The following PCDHA7 variants were observed in gnomAD, a reference collection of about 807,000 sequenced individuals.
PCDHA7 encodes protocadherin alpha-7.
In PCDHA7, 37 loss-of-function variants were observed where a neutral mutation model predicts 57.2. That is an observed-to-expected ratio of 0.65 (90% confidence interval 0.50 to 0.85). PCDHA7 has a LOEUF of 0.85. Ranked by LOEUF, PCDHA7 falls within the 40% of genes least tolerant of loss-of-function variation. The pLI, the probability that PCDHA7 is intolerant of heterozygous loss-of-function variation, is 0.00. For synonymous variants in PCDHA7, 553 were observed against 558.8 expected, an observed-to-expected ratio of 0.99 and a Z score of 0.15; for missense variants, 1,188 against 1,241.8, an observed-to-expected ratio of 0.96 and a Z score of 0.65.
intron 2 of PCDHA7, among the ~76,000 whole-genome samples, chr5:140,979,718 TGCCATGGG>T (rs1430155366): frequency 1.3e-5 from 2 of 152,270 alleles, no homozygotes; most frequent in Non-Finnish European, 2.9e-5. Context: ...CCAGTATCCA[TGCCATGGG>T]GCCAAATAAA....
At chr5:140,998,548 T>A (rs904925148) in intron 3 of PCDHA7, among the ~76,000 whole-genome samples, 7 of 149,880 alleles carry the variant, frequency 4.7e-5, no homozygotes, top group African/African-American at 1.7e-4. Context: ...CCTAATTTAA[T>A]GTCTAATTTA....
At chr5:140,931,853 G>A (rs2087796602) in intron 1 of PCDHA7, among the ~76,000 whole-genome samples, 1 of 151,744 alleles carries the variant, frequency 6.6e-6, no homozygotes, top group African/African-American at 2.4e-5. Context: ...ATAACAACAG[G>A]ATTCTAGAAA....
At chr5:140,885,664 A>G (rs2060680895) in intron 1 of PCDHA7, among the ~76,000 whole-genome samples, 1 of 152,174 alleles carries the variant, frequency 6.6e-6, no homozygotes, top group Non-Finnish European at 1.5e-5. Context: ...ACCAGTTATG[A>G]GCACTCTTTC....
chr5:141,011,745 A>G lies in PCDHA7; in HGVS notation c.*1808A>G, dbSNP rs1378591918. 3 of 153,762 alleles carry G rather than the reference A, an allele frequency of 2.0e-5. No individual in the cohort carries two copies. The highest frequency in any genetic ancestry group is 1.9e-4 in the East Asian group (1 of 5,196). 9.5% of individuals were successfully genotyped at this position (153,762 alleles called of 1,614,324 possible). ...GGGTGTGCAAGCACAAATTTTACCA[A>G]TCTGACCTCTTTGAAGTTGCAGAAT... On this transcript the variant is annotated 3_prime_UTR_variant, in exon 4 of 4. Coordinates refer to ENST00000525929, the MANE Select transcript of PCDHA7 (RefSeq NM_018910.3).
At chr5:140,838,290 T>TC (rs1775657451) in intron 1 of PCDHA7, among the ~76,000 whole-genome samples, 2 of 150,172 alleles carry the variant, frequency 1.3e-5, no homozygotes, top group Non-Finnish European at 3.0e-5. Flanking sequence ...ATTTTTTTTT[T>TC]TTTTTGTATT....
Position 140,879,462 on chromosome 5 carries a change from G to A in PCDHA7, c.2355+42724G>A, listed in dbSNP as rs927340529. 2.0e-5 allele frequency among the ~76,000 whole-genome samples: 3 copies of A among 152,180 alleles called. No individual in the cohort carries two copies. The South Asian group carries it at 6.2e-4, about 32-fold the overall frequency. ...AAAATGTTACTTTGAAGTCCTAAGAGAATACCGTTGTGATTGGAAATATGG... is the reference window on the plus strand; with the variant it reads ...AAAATGTTACTTTGAAGTCCTAAGAAAATACCGTTGTGATTGGAAATATGG... On this transcript the variant is annotated intron_variant, in intron 1 of 3. Coordinates refer to ENST00000525929, the MANE Select transcript of PCDHA7 (RefSeq NM_018910.3).
At chr5:141,004,679 TG>T in intron 3 of PCDHA7, among the ~76,000 whole-genome samples, 1 of 152,160 alleles carries the variant, frequency 6.6e-6, no homozygotes, top group South Asian at 2.1e-4. Context: ...GACTGTGGAG[TG>T]GTGCTGAAAC....
intron 1 of PCDHA7, among the ~76,000 whole-genome samples, chr5:140,855,081 C>T (rs868991206): frequency 6.7e-6 from 1 of 149,844 alleles, no homozygotes; most frequent in Non-Finnish European, 1.5e-5. Context: ...GAAACCACCA[C>T]TCTCAGCCTG....
At position 140,850,786 on chromosome 5, in the gene PCDHA7, A is replaced by C. The variant is rs2150498536; in HGVS notation, c.2355+14048A>C. 0.62 allele frequency: 994,890 copies of C among 1,596,700 alleles called. 342,727 individuals are homozygous for C. The highest frequency in any genetic ancestry group is 0.72 in the African/African-American group (53,217 of 73,966). The stretch of plus-strand genomic sequence containing the variant: ...CAGAGGGTGTGCTCTGGCGAGGGTA[A>C]GCAGAAGACCGACCTCATGGCCTTC... On this transcript the variant is annotated intron_variant, in intron 1 of 3. Transcript: ENST00000525929.
chr5:140,979,088 A>G, intron 2 of PCDHA7, 81 bp downstream of exon 2: 1 of 1,559,594 alleles, frequency 6.4e-7, no homozygotes, highest in Non-Finnish European at 8.7e-7. Flanking sequence ...ATAGGCCAGA[A>G]GCAGCTGTCA....
intron 1 of PCDHA7, among the ~76,000 whole-genome samples, chr5:140,899,834 G>T (rs181729880): frequency 6.6e-6 from 1 of 152,198 alleles, no homozygotes; most frequent in Admixed American, 6.5e-5. Context: ...TTTGAGACAG[G>T]TCTTGCTGTG....
chr5:140,888,620 C>T lies in PCDHA7; in HGVS notation c.2355+51882C>T, dbSNP rs183005411. Among the ~76,000 whole-genome samples the T allele has an allele frequency of 3.4e-3, 514 of 152,264 alleles. 3 individuals are homozygous for T. The highest frequency in any genetic ancestry group is 0.014 in the Middle Eastern group (4 of 294). On this transcript the variant is annotated intron_variant, in intron 1 of 3. Coordinates refer to ENST00000525929, the MANE Select transcript of PCDHA7 (RefSeq NM_018910.3). ...AGCAGCTTTTAGTGTAGCACTAATT[C>T]GGCCTTCTATTACAGCAATACTTTC...
Position 140,841,926 on chromosome 5 carries a change from G to T in PCDHA7, c.2355+5188G>T, listed in dbSNP as rs1490008187. 5.6e-6 allele frequency: 9 copies of T among 1,613,806 alleles called. No individual in the cohort carries two copies. The Admixed American group carries it at 1.5e-4, about 27-fold the overall frequency. On this transcript the variant is annotated intron_variant, in intron 1 of 3. Transcript: ENST00000525929. ...CTCGTATTAAGAAAATCCTTGGACA[G>T]AGAGGACGCTCCTGCGCACCACTTA...
intron 3 of PCDHA7, among the ~76,000 whole-genome samples, chr5:141,000,180 T>G (rs2153962126): frequency 6.6e-6 from 1 of 151,688 alleles, no homozygotes; most frequent in South Asian, 2.1e-4. Flanking sequence ...AGCCAAGGAG[T>G]CAATGTGAGA....
chr5:140,841,588 G>A (rs2150318650), intron 1 of PCDHA7: 2 of 1,614,070 alleles, frequency 1.2e-6, no homozygotes, highest in South Asian at 2.2e-5. Flanking sequence ...TGAATTCTCG[G>A]ATCGACCGCG....
intron 1 of PCDHA7, chr5:140,858,049 G>C (rs181372488): frequency 6.3e-7 from 1 of 1,597,448 alleles, no homozygotes. Flanking sequence ...TGCTTGTGTC[G>C]CTTGTGGAGG....
At chr5:140,975,200 C>T (rs1469690831) in intron 1 of PCDHA7, among the ~76,000 whole-genome samples, 1 of 152,224 alleles carries the variant, frequency 6.6e-6, no homozygotes, top group Non-Finnish European at 1.5e-5. Context: ...GCTCCATCTT[C>T]ATGGCTGGCA....
intron 1 of PCDHA7, chr5:140,859,527 A>T (rs1435954408): frequency 5.2e-6 from 1 of 191,864 alleles, no homozygotes; most frequent in African/African-American, 2.4e-5. Flanking sequence ...TTTTAAAAAA[A>T]ATTTATTAAT....
rs144442302 is a variant in PCDHA7, at chr5:140,850,848, C to A, written c.2355+14110C>A. On this transcript the variant is annotated intron_variant, in intron 1 of 3. Coordinates refer to ENST00000525929, the MANE Select transcript of PCDHA7 (RefSeq NM_018910.3). ...TTCTCCTTGTGCTGGATCTACAGAG[C>A]GAACGGGAGAACCCTCTGCTTCCTC... is the stretch of plus-strand genomic sequence containing the variant. The A allele has an allele frequency of 1.4e-5, 23 of 1,596,174 alleles. 3 individuals are homozygous for A. In the Middle Eastern group the frequency reaches 5.0e-4, roughly 35 times the overall value.
Sources: gnomAD v4.1 joint callset for allele counts (sites outside exome capture counted in the v4.1 genomes callset) on GRCh38, gnomAD v4.1.1 for gene constraint, MANE v1.5 for transcripts, NCBI Gene and HGNC (gene_info 2026-07-23, HGNC 2026-07-21) for gene names.